KDM2B: variants seen among roughly 807,000 people sequenced by gnomAD.
The protein encoded by KDM2B is lysine demethylase 2B, also known as lysine-specific demethylase 2B.
Under a neutral mutation model 150.0 loss-of-function variants are expected in KDM2B, and 26 were observed. The ratio of observed to expected loss-of-function variants is 0.17; its 90% CI spans 0.13 to 0.24. The LOEUF is 0.24. KDM2B is among the 10% of genes least tolerant of loss of function. The probability of loss-of-function intolerance (pLI) is 1.00; values close to 1 mark genes in which losing one functional copy is unlikely to be tolerated. For missense variants in KDM2B, 1,265 were observed against 1,816.9 expected (o/e 0.70, Z 5.52); for synonymous variants, 734 against 729.5 (o/e 1.01, Z -0.10).
At chr12:121,475,253 G>A (rs1444608281) in intron 12 of KDM2B, among the ~76,000 whole-genome samples, 1 of 147,736 alleles carries the variant, frequency 6.8e-6, no homozygotes, top group African/African-American at 2.5e-5. Context: ...TCTTCCCTAG[G>A]TTAGCTAATC....
At chr12:121,557,862 T>C (rs1033495237) in intron 4 of KDM2B, among the ~76,000 whole-genome samples, 1 of 152,196 alleles carries the variant, frequency 6.6e-6, no homozygotes, top group African/African-American at 2.4e-5. Context: ...TGACTGGGTA[T>C]ACCTACATGG....
downstream of KDM2B, among the ~76,000 whole-genome samples, chr12:121,425,815 G>A (rs545990347): frequency 6.6e-5 from 10 of 150,766 alleles, no homozygotes; most frequent in South Asian, 2.1e-4. Flanking sequence ...TGCCCAGGCC[G>A]GAGTGCAGTG....
intron 22 of KDM2B, among the ~76,000 whole-genome samples, chr12:121,431,817 G>A (rs1222907518): frequency 6.6e-6 from 1 of 151,818 alleles, no homozygotes; most frequent in Non-Finnish European, 1.5e-5. Flanking sequence ...TTGGACTGAA[G>A]ATGGGAAAAC....
the KDM2B span, among the ~76,000 whole-genome samples, chr12:121,421,393 A>AAAAAC: frequency 6.7e-6 from 1 of 149,692 alleles, no homozygotes. Context: ...AAAAAAAAAA[A>AAAAAC]AAAAACCAAA....
intron 12 of KDM2B, among the ~76,000 whole-genome samples, chr12:121,471,452 G>C (rs1250901363): frequency 6.6e-6 from 1 of 152,146 alleles, no homozygotes; most frequent in Non-Finnish European, 1.5e-5. Flanking sequence ...CTATCAGAGA[G>C]TGAGAACCCA....
chr12:121,500,389 A>C (rs899290868), intron 11 of KDM2B, among the ~76,000 whole-genome samples: 1 of 152,192 alleles, frequency 6.6e-6, no homozygotes, highest in African/African-American at 2.4e-5. Flanking sequence ...TTTCTGCGGG[A>C]AACTGCCCCG....
At position 121,429,971 on chromosome 12, in the gene KDM2B, A is replaced by T; in HGVS notation, c.*317T>A. On this transcript the variant is annotated 3_prime_UTR_variant, in exon 23 of 23. Transcript: ENST00000377071. ...CAAAACACCACTACCACTAACAGAA[A>T]CTCCTAAGCTCATGCTTCAGTATGA... The T allele has an allele frequency of 1.3e-6, 1 of 741,742 alleles. No homozygotes were observed. The highest frequency in any genetic ancestry group is 2.3e-5 in the Admixed American group (1 of 42,580). The allele number at this position is 741,742 out of a possible 1,614,324, so 45.9% of individuals were successfully genotyped here. A position where few individuals can be genotyped will look rare whatever the true frequency, so the allele number is the denominator to read the frequency against.
At chr12:121,443,834 T>C in intron 16 of KDM2B, 41 bp from the exon 17 acceptor site, 1 of 1,407,032 alleles carries the variant, frequency 7.1e-7, no homozygotes, top group Non-Finnish European at 9.8e-7. Flanking sequence ...ACTCGCTGGT[T>C]TTCCCCTCCT....
intron 13 of KDM2B, among the ~76,000 whole-genome samples, chr12:121,451,095 C>G (rs1593788926): frequency 6.6e-6 from 1 of 151,936 alleles, no homozygotes; most frequent in African/African-American, 2.4e-5. Context: ...ACTGAGTGTG[C>G]CTGCGTCTCC....
At chr12:121,417,422 A>AT in the KDM2B span, 1 of 1,264,030 alleles carries the variant, frequency 7.9e-7, no homozygotes, top group Non-Finnish European at 1.1e-6. This position sits in a 1 kb window ranked among gnomAD's most constrained non-coding sequence, Gnocchi z 5.0. Flanking sequence ...CTAAAATTAA[A>AT]TTTTAGTAGA....
At chr12:121,484,925 T>A (rs184901697) in intron 12 of KDM2B, among the ~76,000 whole-genome samples, 1 of 152,092 alleles carries the variant, frequency 6.6e-6, no homozygotes, top group East Asian at 1.9e-4. Flanking sequence ...ACCCCAAAAT[T>A]CATATGTTGA....
intron 4 of KDM2B, among the ~76,000 whole-genome samples, chr12:121,551,495 A>C (rs1158492856): frequency 6.6e-6 from 1 of 151,864 alleles, no homozygotes; most frequent in Non-Finnish European, 1.5e-5. Context: ...ACAGGGCGGC[A>C]CCACCACATC....
intron 12 of KDM2B, among the ~76,000 whole-genome samples, chr12:121,465,970 G>C (rs1338660587): frequency 1.3e-5 from 2 of 152,192 alleles, no homozygotes. Flanking sequence ...CAATCCGAAA[G>C]AGCCGTGAGA....
In KDM2B at chr12:121,452,442, C is replaced by A. The variant is rs1877446913; in HGVS notation, c.1959+678G>T. 6.6e-6 allele frequency among the ~76,000 whole-genome samples: 1 copy of A among 152,220 alleles called. No homozygotes were observed. Among genetic ancestry groups the A allele is most frequent in the Admixed American group, 6.5e-5 (1 of 15,286 alleles). On this transcript the variant is annotated intron_variant, in intron 13 of 22. Transcript: ENST00000377071. The surrounding 1 kb of genome is among the most constrained non-coding windows in gnomAD (Gnocchi z 4.4). ...TGAGCGCACCAGGGCCGAGGAATCC[C>A]GTCCCTCCAGCCGAGCCTGCTTTTC...
chr12:121,509,790 T>C lies in KDM2B; in HGVS notation c.1424A>G (p.Asn475Ser). 1.2e-6 allele frequency: 2 copies of C among 1,614,110 alleles called. No individual in the cohort carries two copies. Among genetic ancestry groups the C allele is most frequent in the Non-Finnish European group, 1.7e-6 (2 of 1,180,028 alleles). Residue 475 changes from asparagine to serine, a missense_variant, in exon 11 of 23, where the codon AAT (asparagine) becomes AGT (serine). By Grantham distance (46) the Asn-to-Ser change is conservative. Around this residue, in one of 11 missense-constraint regions of KDM2B, gnomAD observed 154 missense variants for 162.5 expected, o/e 0.95. Transcript: ENST00000377071. ...GGACTTCACACTTTCCTCCGACTCA[T>C]TAGACAAAGTCCTTTTGAGGAATCG... The part of the protein sequence containing the change: ...ALRFLKRTLS[N>S]ESEESVKSTT...
chr12:121,550,913 A>T (rs1444401423), intron 4 of KDM2B, among the ~76,000 whole-genome samples: 1 of 152,178 alleles, frequency 6.6e-6, no homozygotes, highest in Non-Finnish European at 1.5e-5. Context: ...ATGAAACCCA[A>T]ATTCTCAGGT....
Position 121,518,550 on chromosome 12 carries a change from C to T in KDM2B, c.1047+2435G>A, listed in dbSNP as rs912610064. ...GGGGACCTGCCATTCTCAACGAGGA[C>T]GTGATATTCCACGTAAGCTCAGTGT... is the stretch of plus-strand genomic sequence containing the variant. On this transcript the variant is annotated intron_variant, in intron 9 of 22. Coordinates refer to ENST00000377071, the MANE Select transcript of KDM2B (RefSeq NM_032590.5). The surrounding 1 kb of genome is among the most constrained non-coding windows in gnomAD (Gnocchi z 4.4). Among the ~76,000 whole-genome samples, 6 of 152,144 alleles carry T rather than the reference C, an allele frequency of 3.9e-5. No homozygotes were observed. The highest frequency in any genetic ancestry group is 8.8e-5 in the Non-Finnish European group (6 of 68,032).
the KDM2B span, chr12:121,415,285 C>A: frequency 2.6e-6 from 1 of 382,228 alleles, no homozygotes; most frequent in Non-Finnish European, 5.6e-6. Flanking sequence ...ATATTATACC[C>A]AATTACAAAT....
At chr12:121,548,619 C>T (rs953799998) in intron 6 of KDM2B, among the ~76,000 whole-genome samples, 3 of 152,244 alleles carry the variant, frequency 2.0e-5, no homozygotes, top group Non-Finnish European at 2.9e-5. Context: ...TGCCATCACT[C>T]CTCCTCAGAT....
Sources: allele counts gnomAD v4.1 joint callset (sites outside exome capture counted in the v4.1 genomes callset), GRCh38; gene constraint gnomAD v4.1.1; regional missense constraint gnomAD v4.1.1; non-coding constraint Gnocchi (gnomAD v3.1); transcripts MANE v1.5; gene names NCBI Gene and HGNC (gene_info 2026-07-23, HGNC 2026-07-21).